KTN1: variants seen among roughly 807,000 people sequenced by gnomAD.
KTN1 encodes the protein kinectin.
KTN1 carries 130 observed loss-of-function variants against 222.5 expected under a neutral mutation model. That is an observed-to-expected ratio of 0.58 (90% CI 0.51 to 0.68). KTN1 has a LOEUF of 0.68. KTN1 is among the 30% of genes least tolerant of loss of function. The probability of loss-of-function intolerance (pLI) is 0.00; values close to 1 mark genes in which losing one functional copy is unlikely to be tolerated. For synonymous variants in KTN1, 512 were observed against 496.3 expected (o/e 1.03, Z -0.42); for missense variants, 1,508 against 1,500.4 (o/e 1.01, Z -0.08).
intron 43 of KTN1, chr14:55,680,639 G>A (rs368958574): frequency 5.8e-6 from 7 of 1,199,896 alleles, no homozygotes; most frequent in Non-Finnish European, 5.8e-6. Flanking sequence ...GAAAAGTTGG[G>A]ATGGACTTCC....
intron 6 of KTN1, 148 bp downstream of exon 6, chr14:55,628,176 G>C (rs2040086902): frequency 3.4e-6 from 2 of 594,746 alleles, no homozygotes; most frequent in Admixed American, 3.0e-5. Flanking sequence ...AGGGTAGATA[G>C]AGCTGTCTCT....
At chr14:55,652,393 C>CTTTTTTT (rs769501863) in intron 25 of KTN1, among the ~76,000 whole-genome samples, 7 of 117,404 alleles carry the variant, frequency 6.0e-5, no homozygotes, top group East Asian at 2.6e-4. Context: ...TCTTAAATGC[C>CTTTTTTT]TTTTTTTTTT....
intron 8 of KTN1, 52 bp downstream of exon 8, chr14:55,633,393 A>C: frequency 9.4e-7 from 1 of 1,062,486 alleles, no homozygotes; most frequent in Non-Finnish European, 1.3e-6. Flanking sequence ...TATTTTCTTG[A>C]ATCATCAAAA....
intron 1 of KTN1, among the ~76,000 whole-genome samples, chr14:55,591,581 C>CTTTTTTTTTTTTTT (rs71131297): frequency 1.1e-5 from 1 of 87,680 alleles, no homozygotes; most frequent in Non-Finnish European, 2.2e-5. Flanking sequence ...TTCTCTCTTT[C>CTTTTTTTTTTTTTT]TTTTTTTTTT....
chr14:55,608,402 C>T (rs898104731), intron 1 of KTN1, among the ~76,000 whole-genome samples: 4 of 152,040 alleles, frequency 2.6e-5, no homozygotes, highest in Non-Finnish European at 5.9e-5. Context: ...GAGACTGTCC[C>T]CATGATTCTG....
intron 1 of KTN1, among the ~76,000 whole-genome samples, chr14:55,605,280 T>G (rs559708890): frequency 6.6e-6 from 1 of 152,328 alleles, no homozygotes; most frequent in South Asian, 2.1e-4. Context: ...GTTTTATTTA[T>G]TTAGTTAGTT....
Position 55,661,615 on chromosome 14 carries a change from A to G in KTN1, c.3090+3A>G, listed in dbSNP as rs771819195. 6.8e-7 allele frequency: 1 copy of G among 1,478,684 alleles called. No homozygotes were observed. Among genetic ancestry groups the G allele is most frequent in the Admixed American group, 1.7e-5 (1 of 59,132 alleles). The allele number at this position is 1,478,684 out of a possible 1,614,324, so 91.6% of individuals were successfully genotyped here. A position where few individuals can be genotyped will look rare whatever the true frequency, so the allele number is the denominator to read the frequency against. ...AACACCAGAGGAAGAAAAACAATGT[A>G]AGTAGATCTTTATCAGAATGAAGCT... On this transcript the variant is annotated splice_donor_region_variant and intron_variant, in intron 32 of 43. Transcript: ENST00000395314.
chr14:55,607,713 A>T (rs1048432025), intron 1 of KTN1, among the ~76,000 whole-genome samples: 5 of 152,158 alleles, frequency 3.3e-5, no homozygotes, highest in African/African-American at 1.2e-4. Context: ...GATGAGGTTA[A>T]AGAGGTAACT....
intron 18 of KTN1, among the ~76,000 whole-genome samples, chr14:55,643,690 A>G (rs555416765): frequency 2.0e-5 from 3 of 152,308 alleles, no homozygotes; most frequent in East Asian, 3.9e-4. Flanking sequence ...GGTATTTTCC[A>G]TCATTAGATA....
At chr14:55,672,549 T>A in intron 37 of KTN1, 81 bp from the exon 38 acceptor site, 1 of 823,414 alleles carries the variant, frequency 1.2e-6, no homozygotes, top group Non-Finnish European at 2.0e-6. Context: ...AAGTGTCTTT[T>A]AATTGATCAG....
chr14:55,621,347 G>A (rs113649689), intron 5 of KTN1, among the ~76,000 whole-genome samples: 9,187 of 152,112 alleles, frequency 0.06, 384 homozygotes, highest in South Asian at 0.09. Context: ...CCACATTTTC[G>A]GGTATCTTTA....
chr14:55,671,355 A>G, intron 35 of KTN1: 1 of 540,190 alleles, frequency 1.9e-6, no homozygotes, highest in Non-Finnish European at 3.2e-6. Context: ...CTTTAGTACC[A>G]AGACTATTTA....
chr14:55,646,856 T>C lies in KTN1; in HGVS notation c.2173-117T>C. On this transcript the variant is annotated intron_variant, in intron 18 of 43. Transcript: ENST00000395314. ...CAAGTCTTCAGATAAGTTATTGTCC[T>C]AAATTTTGTATCTATTTAATAACCC... The C allele has an allele frequency of 4.4e-6, 3 of 678,734 alleles. No individual in the cohort carries two copies. The South Asian group carries it at 4.9e-5, about 11-fold the overall frequency. The allele number at this position is 678,734 out of a possible 1,614,324, so 42.0% of individuals were successfully genotyped here. A position where few individuals can be genotyped will look rare whatever the true frequency, so the allele number is the denominator to read the frequency against.
At position 55,661,490 on chromosome 14, in the gene KTN1, A is replaced by G. The variant is rs141901000; in HGVS notation, c.3000-32A>G. The G allele has an allele frequency of 3.8e-4, 439 of 1,169,000 alleles. 4 individuals are homozygous for G. The highest frequency in any genetic ancestry group is 2.8e-3 in the Middle Eastern group (14 of 4,924). 72.4% of individuals were successfully genotyped at this position (1,169,000 alleles called of 1,614,324 possible). A position where few individuals can be genotyped will look rare whatever the true frequency, so the allele number is the denominator to read the frequency against. Reference sequence around the variant, plus strand: ...TAAGTTGTATTACTGTTTACCTAAAATCTTGCTACATGTATTCATGTTCTG... The same window carrying G: ...TAAGTTGTATTACTGTTTACCTAAAGTCTTGCTACATGTATTCATGTTCTG... On this transcript the variant is annotated intron_variant, in intron 31 of 43. Transcript: ENST00000395314.
chr14:55,661,040 G>C (rs1188536111), intron 31 of KTN1, among the ~76,000 whole-genome samples: 2 of 152,180 alleles, frequency 1.3e-5, no homozygotes, highest in Non-Finnish European at 2.9e-5. Context: ...CATGAATGTT[G>C]AGATTGGTAT....
intron 1 of KTN1, among the ~76,000 whole-genome samples, chr14:55,586,584 C>T (rs1294847924): frequency 2.0e-5 from 3 of 152,148 alleles, no homozygotes. Flanking sequence ...ACCCGTTGAG[C>T]TGTTTTATAA....
intron 1 of KTN1, among the ~76,000 whole-genome samples, 172 bp downstream of exon 1, chr14:55,580,526 C>G (rs1323179620): frequency 6.7e-6 from 1 of 149,532 alleles, no homozygotes; most frequent in Non-Finnish European, 1.5e-5. Flanking sequence ...CGGTTGCCGC[C>G]GCGGGGCTCT....
At position 55,667,306 on chromosome 14, in the gene KTN1, A is replaced by T. The variant is rs2044894679; in HGVS notation, c.3243A>T (p.Pro1081=). 3.7e-6 allele frequency: 6 copies of T among 1,600,836 alleles called. No individual in the cohort carries two copies. The highest frequency in any genetic ancestry group is 5.1e-6 in the Non-Finnish European group (6 of 1,171,542). The part of the protein sequence containing the change: ...EAKEVLKKLF[P]KVSVPSNLSY... ...AAGAAGTTCTCAAAAAATTATTTCC[A>T]AAGGTGTCTGTCCCTTCTAATTTGG... Residue 1081 remains proline (P), a synonymous_variant, in exon 34 of 44, where the codon CCA becomes CCT. Coordinates refer to ENST00000395314, the MANE Select transcript of KTN1 (RefSeq NM_001079521.2).
rs143842292 is a variant in KTN1, at chr14:55,637,264, C to T, written c.1616C>T (p.Thr539Ile). 4.3e-6 allele frequency: 7 copies of T among 1,610,942 alleles called. No homozygotes were observed. The highest frequency in any genetic ancestry group is 5.1e-6 in the Non-Finnish European group (6 of 1,177,976). ...AGTCTGCATAGTAAGCTTACAGATA[C>T]CTTGGTATCAAAACAACAGTTGGAG... Reference protein sequence around the residue: ...VQSLHSKLTDTLVSKQQLEQR... With the variant: ...VQSLHSKLTDILVSKQQLEQR... The change falls in exon 11 of 44, where the codon ACC becomes ATC. Residue 539 changes from threonine to isoleucine, a missense_variant. Thr to Ile is a moderately conservative substitution (Grantham distance 89, BLOSUM62 -1). Transcript: ENST00000395314.
Sources: gnomAD v4.1 joint callset for allele counts (sites outside exome capture counted in the v4.1 genomes callset) on GRCh38, gnomAD v4.1.1 for gene constraint, MANE v1.5 for transcripts, NCBI Gene and HGNC (gene_info 2026-07-23, HGNC 2026-07-21) for gene names.